The following ZC3H7B variants were observed in gnomAD, a reference collection of about 807,000 sequenced individuals.
ZC3H7B encodes zinc finger CCCH-type containing 7B, also known as zinc finger CCCH domain-containing protein 7B.
ZC3H7B carries 35 observed loss-of-function variants against 116.0 expected under a neutral mutation model. The ratio of observed to expected loss-of-function variants is 0.30; its 90% confidence interval spans 0.23 to 0.40. The LOEUF (loss-of-function observed/expected upper bound fraction) is 0.40. Among genes scored for constraint, ZC3H7B ranks in the 10% least tolerant of loss-of-function variants. The pLI is 1.00. For missense variants in ZC3H7B, 1,011 were observed against 1,321.5 expected, an observed-to-expected ratio of 0.77 and a Z score of 3.64; for synonymous variants, 502 against 545.6, an observed-to-expected ratio of 0.92 and a Z score of 1.11.
intron 7 of ZC3H7B, among the ~76,000 whole-genome samples, chr22:41,337,439 G>C (rs2036461328): frequency 6.6e-6 from 1 of 152,224 alleles, no homozygotes; most frequent in Non-Finnish European, 1.5e-5. Flanking sequence ...CCAGCGGTGA[G>C]TGAAGCAGGC....
At position 41,346,841 on chromosome 22, in the gene ZC3H7B, C is replaced by A. The variant is rs375124360; in HGVS notation, c.1665+633C>A. On this transcript the variant is annotated intron_variant, in intron 14 of 22. Transcript: ENST00000352645. This position sits in a 1 kb window ranked among gnomAD's most constrained non-coding sequence, Gnocchi z 5.3. ...AGCTGGGCTTGGTGGCATGCGCCTCCCGTCCCAGTTACTCAGGAGGCTAAG... is the reference window on the plus strand; with the variant it reads ...AGCTGGGCTTGGTGGCATGCGCCTCACGTCCCAGTTACTCAGGAGGCTAAG... Among the ~76,000 whole-genome samples the A allele has an allele frequency of 1.3e-5, 2 of 151,846 alleles. No individual in the cohort carries two copies. The highest frequency in any genetic ancestry group is 1.9e-4 in the East Asian group (1 of 5,184).
chr22:41,338,677 A>G lies in ZC3H7B; in HGVS notation c.625+322A>G, dbSNP rs1601784452. ...TCCTCTTCCTCATTGGCTTCCAGAA[A>G]AGGTTGCCTTTTAAGAGTGTCCCCT... On this transcript the variant is annotated intron_variant, in intron 8 of 22. Coordinates refer to ENST00000352645, the MANE Select transcript of ZC3H7B (RefSeq NM_017590.6). This position sits in a 1 kb window ranked among gnomAD's most constrained non-coding sequence, Gnocchi z 4.5. Among the ~76,000 whole-genome samples the G allele has an allele frequency of 6.6e-6, 1 of 152,206 alleles. No homozygotes were observed. The highest frequency in any genetic ancestry group is 1.9e-4 in the East Asian group (1 of 5,174).
intron 5 of ZC3H7B, among the ~76,000 whole-genome samples, chr22:41,329,507 C>T: frequency 6.6e-6 from 1 of 152,110 alleles, no homozygotes; most frequent in Admixed American, 6.5e-5. Context: ...GATCCGCCCA[C>T]CTCTGCCTCC....
chr22:41,313,561 C>T (rs913983952), intron 1 of ZC3H7B, among the ~76,000 whole-genome samples: 2 of 152,162 alleles, frequency 1.3e-5, no homozygotes, highest in Non-Finnish European at 2.9e-5. Flanking sequence ...GTGCAGCCAG[C>T]AGGGCCTGCC....
At chr22:41,342,655 C>G (rs769714411) in intron 12 of ZC3H7B, 27 bp downstream of exon 12, 1 of 1,585,404 alleles carries the variant, frequency 6.3e-7, no homozygotes, top group African/African-American at 1.3e-5. Flanking sequence ...AGACTCCACC[C>G]CTCTGCCCAG....
chr22:41,304,995 T>C (rs922637654), intron 1 of ZC3H7B, among the ~76,000 whole-genome samples: 1 of 152,060 alleles, frequency 6.6e-6, no homozygotes, highest in Non-Finnish European at 1.5e-5. Context: ...GCTGATCACT[T>C]GAGGTCACGA....
At position 41,302,406 on chromosome 22, in the gene ZC3H7B, T is replaced by C. The variant is rs1235978283; in HGVS notation, c.-7+634T>C. Among the ~76,000 whole-genome samples, 1 of 151,876 alleles carries C rather than the reference T, an allele frequency of 6.6e-6. No homozygotes were observed. Among genetic ancestry groups the C allele is most frequent in the Non-Finnish European group, 1.5e-5 (1 of 67,946 alleles). ...AAAGGGGGGCGCGGTCTGGGCCTGC[T>C]GGGCAGGGGGGCGTTTCCGGTCGCA... On this transcript the variant is annotated intron_variant, in intron 1 of 22. Coordinates refer to ENST00000352645, the MANE Select transcript of ZC3H7B (RefSeq NM_017590.6). The surrounding 1 kb of genome is among the most constrained non-coding windows in gnomAD (Gnocchi z 5.7).
At chr22:41,324,681 C>T (rs1048858676) in intron 2 of ZC3H7B, among the ~76,000 whole-genome samples, 1 of 152,104 alleles carries the variant, frequency 6.6e-6, no homozygotes, top group Non-Finnish European at 1.5e-5. Flanking sequence ...TTTGTTGAGT[C>T]CAGCATGAGG....
chr22:41,309,480 A>G (rs952517765), intron 1 of ZC3H7B, among the ~76,000 whole-genome samples: 3 of 151,128 alleles, frequency 2.0e-5, no homozygotes, highest in Non-Finnish European at 4.4e-5. Context: ...GGCCCGGCCT[A>G]ATTTTTGTAT....
chr22:41,356,439 A>G lies in ZC3H7B; in HGVS notation c.2480A>G (p.Lys827Arg). The change falls in exon 21 of 23, where the codon AAG becomes AGG. Residue 827 changes from lysine to arginine, a missense_variant. Transcript: ENST00000352645. ...GTPISSREGE[K>R]QIQMPTDYAD... The stretch of plus-strand genomic sequence containing the variant: ...CCCATCAGTTCTCGGGAAGGGGAGA[A>G]GCAGATCCAGATGCCCACGGACTAC... The G allele has an allele frequency of 6.2e-7, 1 of 1,614,164 alleles. No homozygotes were observed. Among genetic ancestry groups the G allele is most frequent in the Non-Finnish European group, 8.5e-7 (1 of 1,180,042 alleles).
At chr22:41,355,717 C>G (rs760861646) in intron 18 of ZC3H7B, 40 bp from the exon 19 acceptor site, 6 of 1,612,838 alleles carry the variant, frequency 3.7e-6, no homozygotes, top group Non-Finnish European at 4.2e-6. Flanking sequence ...AGCACACAGG[C>G]TGTGCCCTGA....
rs1360737033 is a variant in ZC3H7B at position 41,351,804 on chromosome 22, G to A, written c.2034+158G>A. Among the ~76,000 whole-genome samples the A allele has an allele frequency of 1.4e-5, 2 of 141,946 alleles. No individual in the cohort carries two copies. The highest frequency in any genetic ancestry group is 2.9e-5 in the African/African-American group (1 of 34,960). The allele number at this position is 141,946 out of a possible 152,430, so 93.1% of individuals were successfully genotyped here. A position where few individuals can be genotyped will look rare whatever the true frequency, so the allele number is the denominator to read the frequency against. On this transcript the variant is annotated intron_variant, in intron 17 of 22. Transcript: ENST00000352645. This position sits in a 1 kb window ranked among gnomAD's most constrained non-coding sequence, Gnocchi z 5.1. ...TGGATAATGTACACATTCAGCTGTT[G>A]TGTCTCATTTTATTTTATTTTATTT...
intron 17 of ZC3H7B, among the ~76,000 whole-genome samples, chr22:41,353,559 A>C (rs768275212): frequency 1.3e-5 from 2 of 152,228 alleles, no homozygotes; most frequent in Non-Finnish European, 2.9e-5. Context: ...GGAGACAGTA[A>C]GTGTGAGATG....
chr22:41,322,485 CCGA>C (rs1403214731), intron 2 of ZC3H7B, among the ~76,000 whole-genome samples: 2 of 152,082 alleles, frequency 1.3e-5, no homozygotes, highest in Admixed American at 6.6e-5. Flanking sequence ...CGCATCCAGC[CCGA>C]CATTTGTTTT....
Position 41,327,501 on chromosome 22 carries a change from T to C in ZC3H7B, c.444+137T>C. Reference sequence around the variant, plus strand: ...TGTGACATGGCCATGCAGATCCTGATGTTAACACTAGCTCCCATTCTCTGA... The same window carrying C: ...TGTGACATGGCCATGCAGATCCTGACGTTAACACTAGCTCCCATTCTCTGA... On this transcript the variant is annotated intron_variant, in intron 5 of 22. Coordinates refer to ENST00000352645, the MANE Select transcript of ZC3H7B (RefSeq NM_017590.6). This position sits in a 1 kb window ranked among gnomAD's most constrained non-coding sequence, Gnocchi z 4.5. The C allele has an allele frequency of 4.2e-6, 5 of 1,188,468 alleles. No individual in the cohort carries two copies. In the South Asian group the frequency reaches 5.9e-5, roughly 14 times the overall value. The allele number at this position is 1,188,468 out of a possible 1,614,324, so 73.6% of individuals were successfully genotyped here.
chr22:41,355,248 G>T (rs2036698949), intron 17 of ZC3H7B, among the ~76,000 whole-genome samples: 1 of 152,332 alleles, frequency 6.6e-6, no homozygotes, highest in Admixed American at 6.5e-5. Flanking sequence ...GTTGGGCGAG[G>T]CAGGGACCAG....
At position 41,338,212 on chromosome 22, in the gene ZC3H7B, G is replaced by T. The variant is rs754862489; in HGVS notation, c.583-101G>T. On this transcript the variant is annotated intron_variant, in intron 7 of 22. Coordinates refer to ENST00000352645, the MANE Select transcript of ZC3H7B (RefSeq NM_017590.6). The surrounding 1 kb of genome is among the most constrained non-coding windows in gnomAD (Gnocchi z 4.5). Reference sequence around the variant, plus strand: ...TCCCCTGGCACTCTAAGTGCTCCTCGGTGCTGGGTCAACAGCATAGTCACG... The same window carrying T: ...TCCCCTGGCACTCTAAGTGCTCCTCTGTGCTGGGTCAACAGCATAGTCACG... The T allele has an allele frequency of 1.8e-5, 23 of 1,276,578 alleles. No homozygotes were observed. The highest frequency in any genetic ancestry group is 2.5e-5 in the Non-Finnish European group (23 of 910,276). 79.1% of individuals were successfully genotyped at this position (1,276,578 alleles called of 1,614,324 possible). A position where few individuals can be genotyped will look rare whatever the true frequency, so the allele number is the denominator to read the frequency against.
At position 41,327,112 on chromosome 22, in the gene ZC3H7B, G is replaced by T; in HGVS notation, c.286-94G>T. ...TCAGCTCCTCTGTCTCTGCCAGGAA[G>T]GGAAGCTGGTGTTCCTTCCTAGGCA... On this transcript the variant is annotated intron_variant, in intron 4 of 22. Coordinates refer to ENST00000352645, the MANE Select transcript of ZC3H7B (RefSeq NM_017590.6). The surrounding 1 kb of genome is among the most constrained non-coding windows in gnomAD (Gnocchi z 4.5). 1 of 1,532,038 alleles carries T rather than the reference G, an allele frequency of 6.5e-7. No homozygotes were observed. The highest frequency in any genetic ancestry group is 8.8e-7 in the Non-Finnish European group (1 of 1,134,588). The allele number at this position is 1,532,038 out of a possible 1,614,324, so 94.9% of individuals were successfully genotyped here.
At chr22:41,315,970 A>G (rs1023284223) in intron 1 of ZC3H7B, among the ~76,000 whole-genome samples, 2 of 151,494 alleles carry the variant, frequency 1.3e-5, no homozygotes, top group African/African-American at 2.4e-5. Flanking sequence ...TACAAAATAC[A>G]TTCATTCTAT....
Sources: gnomAD v4.1 joint callset for allele counts (sites outside exome capture counted in the v4.1 genomes callset) on GRCh38, gnomAD v4.1.1 for gene constraint, Gnocchi (gnomAD v3.1) non-coding constraint, MANE v1.5 for transcripts, NCBI Gene and HGNC (gene_info 2026-07-23, HGNC 2026-07-21) for gene names.